The following BACE1 variants were observed in gnomAD, a reference collection of about 807,000 sequenced individuals.
BACE1 encodes the protein beta-secretase 1.
Under a neutral mutation model 54.0 loss-of-function variants are expected in BACE1, and 21 were observed. The observed-to-expected ratio is 0.39, with a 90% CI of 0.28 to 0.56. The LOEUF is 0.56. BACE1 is among the 20% of genes least tolerant of loss of function. BACE1 has a pLI of 0.63. For missense variants in BACE1, 511 were observed against 661.2 expected (o/e 0.77, Z 2.49); for synonymous variants, 232 against 260.9 (o/e 0.89, Z 1.07).
intron 2 of BACE1, chr11:117,295,820 G>A (rs1180232293): frequency 2.1e-6 from 1 of 482,694 alleles, no homozygotes; most frequent in African/African-American, 2.1e-5. Context: ...AAGTTCTAGA[G>A]AAGGGGTTTG....
At chr11:117,313,634 T>A (rs1565368886) in intron 1 of BACE1, among the ~76,000 whole-genome samples, 1 of 152,092 alleles carries the variant, frequency 6.6e-6, no homozygotes. Context: ...AACAGGGTTT[T>A]GCTATGTTAG....
chr11:117,290,480 A>G lies in BACE1; in HGVS notation c.1264+8T>C, dbSNP rs530797591. The G allele has an allele frequency of 1.2e-5, 19 of 1,613,686 alleles. No homozygotes were observed. In the East Asian group the frequency reaches 3.6e-4, roughly 30 times the overall value. The stretch of plus-strand genomic sequence containing the variant: ...CTGACCCCAAACCCTCAGCCCTGGC[A>G]CTCTCACCATGGCAAGCGCTGACAG... On this transcript the variant is annotated splice_region_variant and intron_variant, in intron 8 of 8. Coordinates refer to ENST00000313005, the MANE Select transcript of BACE1 (RefSeq NM_012104.6).
At chr11:117,301,940 C>T (rs2034734601) in intron 1 of BACE1, among the ~76,000 whole-genome samples, 1 of 152,200 alleles carries the variant, frequency 6.6e-6, no homozygotes, top group Non-Finnish European at 1.5e-5. Flanking sequence ...CTTCTCTTGA[C>T]CTGTCCAATC....
At chr11:117,299,066 A>AT (rs1429469140) in intron 1 of BACE1, among the ~76,000 whole-genome samples, 1 of 152,104 alleles carries the variant, frequency 6.6e-6, no homozygotes, top group African/African-American at 2.4e-5. Context: ...TCGGCCTCCC[A>AT]AAGTGCTGAG....
chr11:117,299,569 A>T (rs866450743), intron 1 of BACE1: 4 of 327,258 alleles, frequency 1.2e-5, no homozygotes, highest in Middle Eastern at 5.2e-4. Flanking sequence ...CCCGGCCCTC[A>T]GACCTTGTCT....
intron 1 of BACE1, among the ~76,000 whole-genome samples, chr11:117,298,756 G>A (rs1384032985): frequency 1.3e-5 from 2 of 152,240 alleles, no homozygotes; most frequent in East Asian, 3.8e-4. Flanking sequence ...ATTTGGCTAA[G>A]TGAAGATGGA....
intron 1 of BACE1, among the ~76,000 whole-genome samples, chr11:117,312,998 T>G (rs1210212834): frequency 6.6e-6 from 1 of 152,220 alleles, no homozygotes; most frequent in South Asian, 2.1e-4. Flanking sequence ...TCTTTGTGGA[T>G]CAGCCCCCAG....
intron 1 of BACE1, 159 bp from the exon 2 acceptor site, chr11:117,297,120 C>T (rs747194368): frequency 2.0e-5 from 12 of 598,834 alleles, no homozygotes; most frequent in South Asian, 4.2e-5. Flanking sequence ...GTTACCACCA[C>T]GACCACAGAC....
At position 117,293,830 on chromosome 11, in the gene BACE1, C is replaced by T; in HGVS notation, c.705+41G>A. 6.3e-7 allele frequency: 1 copy of T among 1,578,642 alleles called. No homozygotes were observed. The highest frequency in any genetic ancestry group is 8.6e-7 in the Non-Finnish European group (1 of 1,162,680). ...AGGGGAGAGGATGGCACCCATCTCTCCCTCAATGCCAGGACCTCCCCTCTC... is the reference window on the plus strand; with the variant it reads ...AGGGGAGAGGATGGCACCCATCTCTTCCTCAATGCCAGGACCTCCCCTCTC... On this transcript the variant is annotated intron_variant, in intron 4 of 8. Transcript: ENST00000313005. This position sits in a 1 kb window ranked among gnomAD's most constrained non-coding sequence, Gnocchi z 4.1.
chr11:117,296,308 A>G (rs1374154700), intron 2 of BACE1, among the ~76,000 whole-genome samples: 4 of 150,608 alleles, frequency 2.7e-5, no homozygotes, highest in Admixed American at 6.6e-5. Context: ...GCTGAATCCA[A>G]CTGGTGGCAC....
chr11:117,302,621 G>A (rs576699569), intron 1 of BACE1, among the ~76,000 whole-genome samples: 1 of 152,286 alleles, frequency 6.6e-6, no homozygotes, highest in East Asian at 1.9e-4. Context: ...GGTGGCTCAC[G>A]CCTGTAATCC....
chr11:117,293,020 C>T lies in BACE1; in HGVS notation c.840+34G>A, dbSNP rs762244325. The T allele has an allele frequency of 2.5e-6, 4 of 1,610,608 alleles. No individual in the cohort carries two copies. The East Asian group carries it at 8.9e-5, about 36-fold the overall frequency. On this transcript the variant is annotated intron_variant, in intron 5 of 8. Transcript: ENST00000313005. This position sits in a 1 kb window ranked among gnomAD's most constrained non-coding sequence, Gnocchi z 4.1. ...TCCTTCACATTGTACTGCCTACCCC[C>T]TTATGTTCCCAGGCTCTCCCTTGGT... is the stretch of plus-strand genomic sequence containing the variant.
intron 1 of BACE1, among the ~76,000 whole-genome samples, chr11:117,298,950 T>C (rs1389251780): frequency 1.3e-5 from 2 of 152,156 alleles, no homozygotes; most frequent in African/African-American, 2.4e-5. Context: ...GGATTACAAG[T>C]GTGCGCTACC....
chr11:117,314,202 C>T (rs1565369158), intron 1 of BACE1, among the ~76,000 whole-genome samples: 1 of 152,194 alleles, frequency 6.6e-6, no homozygotes, highest in Non-Finnish European at 1.5e-5. Flanking sequence ...ACGATATCAT[C>T]TAGCGTTCTG....
In BACE1 at chr11:117,289,446, G is replaced by A. The variant is rs1042599013; in HGVS notation, c.*120C>T. 12 of 1,457,156 alleles carry A rather than the reference G, an allele frequency of 8.2e-6. No homozygotes were observed. Among genetic ancestry groups the A allele is most frequent in the African/African-American group, 7.1e-5 (5 of 70,592 alleles). 90.3% of individuals were successfully genotyped at this position (1,457,156 alleles called of 1,614,324 possible). On this transcript the variant is annotated 3_prime_UTR_variant, in exon 9 of 9. Transcript: ENST00000313005. ...CTCCATCAAGGCAGAGGCATTTGGTGGGTGGGGAGGGTCCTGAGGTGCTCT... is the reference window on the plus strand; with the variant it reads ...CTCCATCAAGGCAGAGGCATTTGGTAGGTGGGGAGGGTCCTGAGGTGCTCT...
intron 1 of BACE1, among the ~76,000 whole-genome samples, chr11:117,300,392 C>T (rs935663584): frequency 6.6e-6 from 1 of 152,218 alleles, no homozygotes; most frequent in African/African-American, 2.4e-5. Flanking sequence ...TGTCCTTCAG[C>T]GCTTCGAATG....
chr11:117,315,980 G>C lies in BACE1; in HGVS notation c.-185C>G, dbSNP rs1380992138. 4 of 520,536 alleles carry C rather than the reference G, an allele frequency of 7.7e-6. No individual in the cohort carries two copies. The highest frequency in any genetic ancestry group is 1.2e-5 in the Non-Finnish European group (4 of 325,284). The allele number at this position is 520,536 out of a possible 1,614,324, so 32.2% of individuals were successfully genotyped here. On this transcript the variant is annotated 5_prime_UTR_variant, in exon 1 of 9. In the 5' UTR this introduces an upstream ATG that the reference lacks. Coordinates refer to ENST00000313005, the MANE Select transcript of BACE1 (RefSeq NM_012104.6). This position sits in a 1 kb window ranked among gnomAD's most constrained non-coding sequence, Gnocchi z 5.5. Reference sequence around the variant, plus strand: ...CGGGCTGTGGAGAGCGGTCAGGGGAGATCCGCAGAGCACGGGAGCAGGGGA... The same window carrying C: ...CGGGCTGTGGAGAGCGGTCAGGGGACATCCGCAGAGCACGGGAGCAGGGGA...
chr11:117,299,337 A>C (rs771798669), intron 1 of BACE1, among the ~76,000 whole-genome samples: 1 of 152,040 alleles, frequency 6.6e-6, no homozygotes, highest in African/African-American at 2.4e-5. Context: ...TCCTCAGTCC[A>C]GTGAAATCAA....
chr11:117,309,019 G>A lies in BACE1; in HGVS notation c.261+6516C>T, dbSNP rs574283736. On this transcript the variant is annotated intron_variant, in intron 1 of 8. Transcript: ENST00000313005. The stretch of plus-strand genomic sequence containing the variant: ...GCTTTCCCCTGTTGCTTTGTTCCCT[G>A]ACAAAAAGTCAGAGAGGTTAAATAA... Among the ~76,000 whole-genome samples the A allele has an allele frequency of 2.0e-3, 307 of 152,192 alleles. 2 individuals are homozygous for A. The highest frequency in any genetic ancestry group is 6.5e-3 in the African/African-American group (271 of 41,528).
Sources: allele counts gnomAD v4.1 joint callset (sites outside exome capture counted in the v4.1 genomes callset), GRCh38; gene constraint gnomAD v4.1.1; non-coding constraint Gnocchi (gnomAD v3.1); transcripts MANE v1.5; gene names NCBI Gene and HGNC (gene_info 2026-07-23, HGNC 2026-07-21).